TLK1: variants seen among roughly 807,000 people sequenced by gnomAD.
The protein encoded by TLK1 is tousled like kinase 1.
TLK1 carries 24 observed loss-of-function variants against 105.3 expected under a neutral mutation model. The ratio of observed to expected loss-of-function variants is 0.23; its 90% CI spans 0.17 to 0.32. TLK1 has a LOEUF of 0.32. TLK1 is among the 10% of genes least tolerant of loss of function. The pLI is 1.00. For missense variants in TLK1, 558 were observed against 910.5 expected, an observed-to-expected ratio of 0.61 and a Z score of 4.98; for synonymous variants, 321 against 310.4, an observed-to-expected ratio of 1.03 and a Z score of -0.36.
chr2:171,142,559 A>G (rs2105579802), intron 1 of TLK1, among the ~76,000 whole-genome samples: 1 of 152,356 alleles, frequency 6.6e-6, no homozygotes, highest in East Asian at 1.9e-4. Context: ...AAAAAGTTTG[A>G]TTCACCAGGT....
chr2:170,999,033 T>C (rs931236428), intron 18 of TLK1, among the ~76,000 whole-genome samples: 10 of 152,222 alleles, frequency 6.6e-5, no homozygotes, highest in Non-Finnish European at 1.5e-4. Context: ...CGCAAAGTGC[T>C]AGGATTACAG....
chr2:171,134,058 T>C (rs1439906351), intron 1 of TLK1, among the ~76,000 whole-genome samples: 1 of 152,210 alleles, frequency 6.6e-6, no homozygotes, highest in East Asian at 1.9e-4. Context: ...CAAGTTTTTT[T>C]CTTCCTCAGC....
In TLK1 at chr2:171,016,335, T is replaced by C. The variant is rs111433495; in HGVS notation, c.1237-1387A>G. 4.5e-3 allele frequency among the ~76,000 whole-genome samples: 691 copies of C among 152,270 alleles called. 8 individuals carry two copies. The highest frequency in any genetic ancestry group is 0.015 in the African/African-American group (629 of 41,570). On this transcript the variant is annotated intron_variant, in intron 12 of 20. Transcript: ENST00000431350. ...TTTTTGTAGAGATGGGGTCTCACTGTGTTGCCCAGGCTAGTCCTGAACTCC... is the reference window on the plus strand; with the variant it reads ...TTTTTGTAGAGATGGGGTCTCACTGCGTTGCCCAGGCTAGTCCTGAACTCC...
chr2:171,084,286 T>A (rs954174503), intron 2 of TLK1, among the ~76,000 whole-genome samples: 4 of 151,680 alleles, frequency 2.6e-5, no homozygotes, highest in African/African-American at 7.3e-5. Flanking sequence ...GTGGGAGGAG[T>A]CCACGGTTAC....
chr2:171,100,048 T>C (rs1689622554), intron 2 of TLK1, among the ~76,000 whole-genome samples: 4 of 152,176 alleles, frequency 2.6e-5, no homozygotes, highest in Admixed American at 1.3e-4. Context: ...AAAGAATTCT[T>C]ATGACTCAAG....
rs759677160 is a variant in TLK1, at chr2:171,049,975, A to T, written c.844-25T>A. On this transcript the variant is annotated intron_variant, in intron 9 of 20. Coordinates refer to ENST00000431350, the MANE Select transcript of TLK1 (RefSeq NM_012290.5). ...TCTGAAAAGGAGAAAAAAAATCATC[A>T]CTCAATTGTATTCATTAATTTATAA... is the stretch of plus-strand genomic sequence containing the variant. 5 of 1,613,048 alleles carry T rather than the reference A, an allele frequency of 3.1e-6. No homozygotes were observed. In the Admixed American group the frequency reaches 8.4e-5, roughly 27 times the overall value.
At chr2:171,072,726 T>A (rs567754375) in intron 3 of TLK1, among the ~76,000 whole-genome samples, 6 of 151,862 alleles carry the variant, frequency 4.0e-5, no homozygotes, top group Non-Finnish European at 4.4e-5. Flanking sequence ...TGAGATGACA[T>A]CATTACACTC....
rs762505380 is a variant in TLK1 at position 171,046,265 on chromosome 2, G to T, written c.1078C>A (p.Pro360Thr). The change falls in exon 11 of 21, where the codon CCC becomes ACC. Residue 360 changes from proline to threonine, a missense_variant. Pro to Thr is a conservative substitution (Grantham distance 38, BLOSUM62 -1). Coordinates refer to ENST00000431350, the MANE Select transcript of TLK1 (RefSeq NM_012290.5). ...TGTTTTGGTTCAGAATTGGTAGAGGGTGCCTGAGAATTATTAGCTGTGGGA... is the reference window on the plus strand; with the variant it reads ...TGTTTTGGTTCAGAATTGGTAGAGGTTGCCTGAGAATTATTAGCTGTGGGA... The part of the protein sequence containing the change: ...KPPTANNSQA[P>T]STNSEPKQRK... 1.2e-6 allele frequency: 2 copies of T among 1,613,590 alleles called. No individual in the cohort carries two copies. The highest frequency in any genetic ancestry group is 2.2e-5 in the East Asian group (1 of 44,854).
At chr2:171,204,274 A>G (rs2105321746) in intron 1 of TLK1, among the ~76,000 whole-genome samples, 1 of 152,314 alleles carries the variant, frequency 6.6e-6, no homozygotes, top group African/African-American at 2.4e-5. Context: ...TTAAATTGGC[A>G]CCTAGCAGTG....
chr2:171,026,499 T>A (rs1263692614), intron 12 of TLK1, among the ~76,000 whole-genome samples: 1 of 152,132 alleles, frequency 6.6e-6, no homozygotes, highest in Non-Finnish European at 1.5e-5. Flanking sequence ...CAGATTTTCA[T>A]AAAATAAGGT....
chr2:171,229,923 C>T (rs1368493583), intron 1 of TLK1, among the ~76,000 whole-genome samples: 2 of 152,168 alleles, frequency 1.3e-5, no homozygotes, highest in Non-Finnish European at 2.9e-5. Context: ...CCTTGCTGTT[C>T]TTGCCCTTCC....
rs200040917 is a variant in TLK1, at chr2:171,015,712, C to G, written c.1237-764G>C. On this transcript the variant is annotated intron_variant, in intron 12 of 20. Transcript: ENST00000431350. ...ATACACACACACATATACACACACA[C>G]ACACACACACACACACACACCCACC... is the stretch of plus-strand genomic sequence containing the variant. Among the ~76,000 whole-genome samples, 7 of 108,832 alleles carry G rather than the reference C, an allele frequency of 6.4e-5. No homozygotes were observed. In the East Asian group the frequency reaches 2.3e-3, roughly 36 times the overall value. The allele number at this position is 108,832 out of a possible 152,430, so 71.4% of individuals were successfully genotyped here. A position where few individuals can be genotyped will look rare whatever the true frequency, so the allele number is the denominator to read the frequency against.
chr2:171,004,844 T>G (rs529279622), intron 18 of TLK1, among the ~76,000 whole-genome samples: 1 of 152,282 alleles, frequency 6.6e-6, no homozygotes, highest in South Asian at 2.1e-4. Context: ...TTTCAGGGGG[T>G]TACCAGTTTG....
intron 11 of TLK1, among the ~76,000 whole-genome samples, chr2:171,032,161 A>AT (rs1212775025): frequency 2.0e-5 from 3 of 152,106 alleles, no homozygotes; most frequent in African/African-American, 4.8e-5. Context: ...AAATGGAAAG[A>AT]TTTTCTCCTA....
intron 2 of TLK1, among the ~76,000 whole-genome samples, chr2:171,083,853 G>A (rs1445144790): frequency 6.6e-6 from 1 of 152,130 alleles, no homozygotes; most frequent in Non-Finnish European, 1.5e-5. Flanking sequence ...AATTCAAGTA[G>A]TACTTGGAAT....
chr2:171,181,906 T>C (rs2105308146), intron 1 of TLK1, among the ~76,000 whole-genome samples: 1 of 152,294 alleles, frequency 6.6e-6, no homozygotes, highest in South Asian at 2.1e-4. Flanking sequence ...CTTTACTTCC[T>C]TCCTTATCCA....
In TLK1 at chr2:170,991,933, A is replaced by G. The variant is rs1683802464; in HGVS notation, c.*1847T>C. 6.6e-6 allele frequency: 1 copy of G among 152,090 alleles called. No individual in the cohort carries two copies. Among genetic ancestry groups the G allele is most frequent in the Non-Finnish European group, 1.5e-5 (1 of 68,000 alleles). The allele number at this position is 152,090 out of a possible 1,614,324, so 9.4% of individuals were successfully genotyped here. A position where few individuals can be genotyped will look rare whatever the true frequency, so the allele number is the denominator to read the frequency against. Reference sequence around the variant, plus strand: ...TTAATAGGATTTCTCTGTGCTCTACAGAGGAATGGGTATAGCCAGCCCCTT... The same window carrying G: ...TTAATAGGATTTCTCTGTGCTCTACGGAGGAATGGGTATAGCCAGCCCCTT... On this transcript the variant is annotated 3_prime_UTR_variant, in exon 21 of 21. Coordinates refer to ENST00000431350, the MANE Select transcript of TLK1 (RefSeq NM_012290.5).
rs1465396281 is a variant in TLK1, at chr2:170,992,504, G to C, written c.*1276C>G. 2 of 152,514 alleles carry C rather than the reference G, an allele frequency of 1.3e-5. No homozygotes were observed. The highest frequency in any genetic ancestry group is 4.8e-5 in the African/African-American group (2 of 41,428). 9.4% of individuals were successfully genotyped at this position (152,514 alleles called of 1,614,324 possible). On this transcript the variant is annotated 3_prime_UTR_variant, in exon 21 of 21. Coordinates refer to ENST00000431350, the MANE Select transcript of TLK1 (RefSeq NM_012290.5). ...TTTAACAAATCTGTACAAACCACAA[G>C]AAATTTGCTTATGGGACCATCTTGC... is the stretch of plus-strand genomic sequence containing the variant.
At chr2:171,108,219 A>G (rs539247438) in intron 2 of TLK1, among the ~76,000 whole-genome samples, 75 of 152,330 alleles carry the variant, frequency 4.9e-4, no homozygotes, top group African/African-American at 1.8e-3. Flanking sequence ...TTTATACTAC[A>G]TTTTCAACTT....
Sources: allele counts gnomAD v4.1 joint callset (sites outside exome capture counted in the v4.1 genomes callset), GRCh38; gene constraint gnomAD v4.1.1; transcripts MANE v1.5; gene names NCBI Gene and HGNC (gene_info 2026-07-23, HGNC 2026-07-21).